CREBBP: variants seen among roughly 807,000 people sequenced by gnomAD.
CREBBP encodes CREB binding lysine acetyltransferase, also known as CREB-binding protein.
Under a neutral mutation model 265.0 loss-of-function variants are expected in CREBBP, and 19 were observed. That is an observed-to-expected ratio of 0.07 (90% CI 0.05 to 0.11). The LOEUF is 0.11. Ranked by LOEUF, CREBBP falls within the 10% of genes least tolerant of loss-of-function variation. The pLI is 1.00. For missense variants in CREBBP, 2,525 were observed against 3,219.0 expected, an observed-to-expected ratio of 0.78 and a Z score of 5.22; for synonymous variants, 1,457 against 1,223.7, an observed-to-expected ratio of 1.19 and a Z score of -3.98.
chr16:3,801,731 A>G lies in CREBBP; in HGVS notation c.976-8105T>C, dbSNP rs918589889. Among the ~76,000 whole-genome samples the G allele has an allele frequency of 3.3e-5, 5 of 152,308 alleles. No homozygotes were observed. In the South Asian group the frequency reaches 1.0e-3, roughly 32 times the overall value. On this transcript the variant is annotated intron_variant, in intron 3 of 30. Coordinates refer to ENST00000262367, the MANE Select transcript of CREBBP (RefSeq NM_004380.3). ...CTTGGGAAGATGGTGTGATGCTGGT[A>G]ATCGGGTACATGGCTTTTGATGGAA...
chr16:3,807,433 T>C (rs1023277151), intron 3 of CREBBP, among the ~76,000 whole-genome samples: 1 of 152,174 alleles, frequency 6.6e-6, no homozygotes, highest in Non-Finnish European at 1.5e-5. Context: ...TTTCAGTAAA[T>C]AGACCTAGAT....
rs2141202623 is a variant in CREBBP, at chr16:3,770,826, G to C, written c.2624C>G (p.Pro875Arg). The C allele has an allele frequency of 6.2e-7, 1 of 1,614,074 alleles. No homozygotes were observed. The highest frequency in any genetic ancestry group is 8.5e-7 in the Non-Finnish European group (1 of 1,179,990). ...GMPSLQHTTPPGMTPPQPAAP... is the reference protein window; with the variant it reads ...GMPSLQHTTPRGMTPPQPAAP... ...TGCTGGCTGGGGAGGAGTCATCCCA[G>C]GTGGTGTCGTGTGCTGGAGAGATGG... Residue 875 changes from proline to arginine, a missense_variant, in exon 14 of 31, where the codon CCT (proline) becomes CGT (arginine). Physicochemically the swap from Pro to Arg is moderately radical, Grantham distance 103. Transcript: ENST00000262367.
In CREBBP at chr16:3,728,636, G is replaced by A. The variant is rs1347276867; in HGVS notation, c.6411C>T (p.Pro2137=). 6.2e-7 allele frequency: 1 copy of A among 1,613,680 alleles called. No homozygotes were observed. Among genetic ancestry groups the A allele is most frequent in the East Asian group, 2.2e-5 (1 of 44,870 alleles). ...GCATGGCATTCAGGTTCTGCAGGCT[G>A]GGCTGCTGGTGCATGCCAGGCTGGG... ...MQPQPGMHQQ[P]SLQNLNAMQA... The change falls in exon 31 of 31, where the codon CCC becomes CCT. Residue 2137 remains proline (P), a synonymous_variant. Transcript: ENST00000262367. This position sits in a 1 kb window ranked among gnomAD's most constrained non-coding sequence, Gnocchi z 8.7.
chr16:3,847,891 G>A (rs1001579575), intron 2 of CREBBP, among the ~76,000 whole-genome samples: 13 of 152,200 alleles, frequency 8.5e-5, no homozygotes, highest in East Asian at 1.9e-4. Context: ...CTTATAGGCC[G>A]GGCGTGGTGG....
chr16:3,757,747 T>A, intron 18 of CREBBP, 62 bp downstream of exon 18: 1 of 1,605,632 alleles, frequency 6.2e-7, no homozygotes, highest in Non-Finnish European at 8.5e-7. Flanking sequence ...CATATTAGTA[T>A]AACACCCCTC....
In CREBBP at chr16:3,726,628, G is replaced by C. The variant is rs888779065; in HGVS notation, c.*1090C>G. The C allele has an allele frequency of 4.3e-6, 1 of 233,484 alleles. No homozygotes were observed. The highest frequency in any genetic ancestry group is 2.2e-5 in the African/African-American group (1 of 45,306). 14.5% of individuals were successfully genotyped at this position (233,484 alleles called of 1,614,324 possible). On this transcript the variant is annotated 3_prime_UTR_variant, in exon 31 of 31. Transcript: ENST00000262367. ...TAAAAACCTTAAACATTCTTACAGG[G>C]ATCTTAAAGAACAGAATACATGTTA...
chr16:3,824,787 G>A (rs565182334), intron 2 of CREBBP, among the ~76,000 whole-genome samples: 7 of 152,160 alleles, frequency 4.6e-5, no homozygotes, highest in Non-Finnish European at 1.0e-4. Context: ...AGCAAAATGT[G>A]CCAGGTTTTT....
At position 3,731,002 on chromosome 16, in the gene CREBBP, G is replaced by A. The variant is rs753632188; in HGVS notation, c.5172+190C>T. On this transcript the variant is annotated intron_variant, in intron 30 of 30. Transcript: ENST00000262367. The surrounding 1 kb of genome is among the most constrained non-coding windows in gnomAD (Gnocchi z 7.7). ...CCCCAGGGTCAGGCCTGTGGCTGTG[G>A]CTACACAGAGCAGGTTTAGGAAACA... Among the ~76,000 whole-genome samples the A allele has an allele frequency of 3.2e-4, 48 of 152,202 alleles. No individual in the cohort carries two copies. Among genetic ancestry groups the A allele is most frequent in the Non-Finnish European group, 5.4e-4 (37 of 68,020 alleles).
chr16:3,841,923 ACT>A (rs768878513), intron 2 of CREBBP, among the ~76,000 whole-genome samples: 16 of 152,072 alleles, frequency 1.1e-4, no homozygotes, highest in Middle Eastern at 3.2e-3. Flanking sequence ...GCCTGCAGTG[ACT>A]CTGCTGAATA....
chr16:3,772,805 T>C (rs557238525), intron 13 of CREBBP, among the ~76,000 whole-genome samples: 1 of 151,262 alleles, frequency 6.6e-6, no homozygotes, highest in East Asian at 1.9e-4. Flanking sequence ...TACGGTAGCT[T>C]ACTCCTGTAA....
chr16:3,848,604 T>A (rs2141476471), intron 2 of CREBBP, among the ~76,000 whole-genome samples: 1 of 152,312 alleles, frequency 6.6e-6, no homozygotes, highest in Admixed American at 6.5e-5. Flanking sequence ...CCTCAGTAAT[T>A]GTTAAGATTA....
At position 3,731,280 on chromosome 16, in the gene CREBBP, A is replaced by C; in HGVS notation, c.5084T>G (p.Leu1695Arg). 1 of 1,614,204 alleles carries C rather than the reference A, an allele frequency of 6.2e-7. No individual in the cohort carries two copies. The highest frequency in any genetic ancestry group is 8.5e-7 in the Non-Finnish European group (1 of 1,180,032). ...KWSTLCMLVELHTQGQDRFVY... is the reference protein window; with the variant it reads ...KWSTLCMLVERHTQGQDRFVY... ...AAAGCGGTCCTGGCCCTGGGTGTGC[A>C]GCTCCACCAGCATGCAGAGCGTGGA... Residue 1695 changes from leucine to arginine, a missense_variant, in exon 30 of 31, where the codon CTG becomes CGG. Physicochemically the swap from Leu to Arg is moderately radical, Grantham distance 102. Coordinates refer to ENST00000262367, the MANE Select transcript of CREBBP (RefSeq NM_004380.3). This position sits in a 1 kb window ranked among gnomAD's most constrained non-coding sequence, Gnocchi z 7.7.
chr16:3,864,428 T>A (rs1422498048), intron 1 of CREBBP, among the ~76,000 whole-genome samples: 2 of 152,086 alleles, frequency 1.3e-5, no homozygotes, highest in Non-Finnish European at 1.5e-5. Context: ...GGGGACTGCT[T>A]GGGTCCAGTA....
At chr16:3,771,075 AATTTTTT>A in intron 13 of CREBBP, 89 bp from the exon 14 acceptor site, 2 of 1,529,686 alleles carry the variant, frequency 1.3e-6, no homozygotes, top group Non-Finnish European at 8.9e-7. Context: ...ATGAAAAAAA[AATTTTTT>A]TTTTTGAGAC....
At chr16:3,858,685 A>C (rs1050830184) in intron 1 of CREBBP, among the ~76,000 whole-genome samples, 1 of 152,240 alleles carries the variant, frequency 6.6e-6, no homozygotes, top group Admixed American at 6.5e-5. Flanking sequence ...AGTAATCTTA[A>C]TGTTTACTAC....
At chr16:3,779,815 TCAA>T (rs1009522114) in intron 8 of CREBBP, among the ~76,000 whole-genome samples, 13 of 152,132 alleles carry the variant, frequency 8.5e-5, no homozygotes, top group Non-Finnish European at 1.6e-4. Context: ...AATAACTAGC[TCAA>T]CAACGTTAGG....
intron 18 of CREBBP, 60 bp downstream of exon 18, chr16:3,757,749 A>G: frequency 6.2e-7 from 1 of 1,606,368 alleles, no homozygotes; most frequent in Non-Finnish European, 8.5e-7. Flanking sequence ...TATTAGTATA[A>G]CACCCCTCTG....
At chr16:3,870,550 C>T (rs191399556) in intron 1 of CREBBP, among the ~76,000 whole-genome samples, 3 of 152,236 alleles carry the variant, frequency 2.0e-5, no homozygotes, top group East Asian at 1.9e-4. Context: ...CAAACACAGA[C>T]GGAGTAAAAT....
intron 28 of CREBBP, among the ~76,000 whole-genome samples, chr16:3,732,491 C>T (rs966333567): frequency 1.3e-5 from 2 of 152,192 alleles, no homozygotes; most frequent in Non-Finnish European, 2.9e-5. Flanking sequence ...TGAAGGTGGG[C>T]TTGCTCTCAG....
Sources: gnomAD v4.1 joint callset for allele counts (sites outside exome capture counted in the v4.1 genomes callset) on GRCh38, gnomAD v4.1.1 for gene constraint, Gnocchi (gnomAD v3.1) non-coding constraint, MANE v1.5 for transcripts, NCBI Gene and HGNC (gene_info 2026-07-23, HGNC 2026-07-21) for gene names.